Variants in COL11A1 observed in about 807,000 individuals in gnomAD.
The protein encoded by COL11A1 is collagen alpha-1(XI) chain.
A neutral mutation model predicts 265.2 loss-of-function variants in COL11A1; 74 were observed. The ratio of observed to expected loss-of-function variants is 0.28; its 90% CI spans 0.23 to 0.34. COL11A1 has a LOEUF of 0.34. Among genes scored for constraint, COL11A1 ranks in the 10% least tolerant of loss-of-function variants. The pLI is 1.00. For missense variants in COL11A1, 2,165 were observed against 2,263.6 expected (o/e 0.96, Z 0.88); for synonymous variants, 816 against 727.6 (o/e 1.12, Z -1.96).
At chr1:103,022,703 A>G (rs767576154) in intron 8 of COL11A1, 39 bp downstream of exon 8, 1 of 1,612,092 alleles carries the variant, frequency 6.2e-7, no homozygotes, top group South Asian at 1.1e-5. Flanking sequence ...TATCCCATAA[A>G]TAAGACATAC....
At chr1:103,078,629 C>G in intron 3 of COL11A1, 29 bp downstream of exon 3, 1 of 1,593,988 alleles carries the variant, frequency 6.3e-7, no homozygotes, top group Non-Finnish European at 8.6e-7. Context: ...TTTGGCATAG[C>G]TAAAACATTG....
intron 38 of COL11A1, among the ~76,000 whole-genome samples, chr1:102,963,862 G>A (rs1339573107): frequency 2.6e-5 from 4 of 151,916 alleles, no homozygotes; most frequent in Non-Finnish European, 4.4e-5. Context: ...AGCGATCACC[G>A]AGACAAAAAT....
chr1:102,883,764 T>C (rs1302177554), intron 63 of COL11A1, among the ~76,000 whole-genome samples: 2 of 152,040 alleles, frequency 1.3e-5, no homozygotes, highest in Admixed American at 6.6e-5. Context: ...GGAGGTGATA[T>C]CGTATCTACT....
At position 102,950,772 on chromosome 1, in the gene COL11A1, C is replaced by T. The variant is rs555098007; in HGVS notation, c.3169-3816G>A. ...CATCTGATATGCTTAGGCTTTGTGT[C>T]CCCACCCAAATCTCATCTTGCTTTA... On this transcript the variant is annotated intron_variant, in intron 41 of 66. Transcript: ENST00000370096. 3.3e-5 allele frequency among the ~76,000 whole-genome samples: 5 copies of T among 152,128 alleles called. No individual in the cohort carries two copies. In the South Asian group the frequency reaches 6.2e-4, roughly 19 times the overall value.
intron 30 of COL11A1, 114 bp downstream of exon 30, chr1:102,987,519 T>G (rs1663695310): frequency 3.7e-6 from 3 of 814,316 alleles, no homozygotes; most frequent in South Asian, 1.4e-5. Flanking sequence ...AATGAAACAT[T>G]TTATCTTTAA....
chr1:102,880,869 T>TAG (rs1443164955), intron 65 of COL11A1, among the ~76,000 whole-genome samples: 1 of 151,980 alleles, frequency 6.6e-6, no homozygotes, highest in Non-Finnish European at 1.5e-5. Flanking sequence ...TCCACACACA[T>TAG]AGAGTTCTAT....
chr1:102,886,729 T>C (rs1311928289), intron 63 of COL11A1, 78 bp downstream of exon 63: 2 of 1,570,198 alleles, frequency 1.3e-6, no homozygotes, highest in Admixed American at 1.7e-5. Context: ...AACATTTAAC[T>C]AGAATGAATG....
chr1:103,024,573 A>G lies in COL11A1; in HGVS notation c.990+948T>C, dbSNP rs191056544. ...TGTCTACAGAGACTGCATAATATCTATGGTGAGAATATTGCTATAATCATA... is the reference window on the plus strand; with the variant it reads ...TGTCTACAGAGACTGCATAATATCTGTGGTGAGAATATTGCTATAATCATA... On this transcript the variant is annotated intron_variant, in intron 7 of 66. Transcript: ENST00000370096. Among the ~76,000 whole-genome samples the G allele has an allele frequency of 2.3e-4, 35 of 152,306 alleles. No individual in the cohort carries two copies. In the East Asian group the frequency reaches 5.4e-3, roughly 24 times the overall value.
chr1:102,933,198 C>G (rs1657704374), intron 46 of COL11A1, among the ~76,000 whole-genome samples: 2 of 143,694 alleles, frequency 1.4e-5, no homozygotes, highest in African/African-American at 2.6e-5. Flanking sequence ...TTTTTCTGTT[C>G]TGTTTTTTCC....
chr1:103,024,030 T>A (rs1404493602), intron 7 of COL11A1, among the ~76,000 whole-genome samples: 4 of 152,200 alleles, frequency 2.6e-5, no homozygotes, highest in Admixed American at 2.6e-4. Context: ...TTTTTTCTCA[T>A]AATTCCTTAC....
intron 46 of COL11A1, among the ~76,000 whole-genome samples, chr1:102,925,701 ATCAG>A (rs1028488373): frequency 2.6e-5 from 4 of 152,098 alleles, no homozygotes; most frequent in African/African-American, 9.7e-5. Context: ...TAGGTTCTAA[ATCAG>A]TCAATTTCAG....
chr1:102,896,620 T>C (rs1405545425), intron 57 of COL11A1, among the ~76,000 whole-genome samples: 1 of 152,196 alleles, frequency 6.6e-6, no homozygotes, highest in African/African-American at 2.4e-5. Context: ...CATTCCGCTT[T>C]ACCTAAAGGA....
intron 11 of COL11A1, 24 bp downstream of exon 11, chr1:103,017,796 G>T (rs201603912): frequency 1.3e-6 from 2 of 1,584,132 alleles, no homozygotes; most frequent in Non-Finnish European, 1.7e-6. Flanking sequence ...CATTTGTAAT[G>T]AGATATCATG....
chr1:102,918,631 T>C (rs1460394747), intron 49 of COL11A1, among the ~76,000 whole-genome samples: 4 of 151,674 alleles, frequency 2.6e-5, no homozygotes, highest in African/African-American at 9.7e-5. Context: ...GAATTCTGCT[T>C]CTATCGTGCT....
chr1:102,900,183 T>A (rs1253895783), intron 54 of COL11A1, among the ~76,000 whole-genome samples: 1 of 152,164 alleles, frequency 6.6e-6, no homozygotes, highest in Non-Finnish European at 1.5e-5. Flanking sequence ...TATCTATTAT[T>A]AGACATTCAT....
chr1:103,025,461 CA>C, intron 7 of COL11A1, 59 bp downstream of exon 7: 3 of 1,165,376 alleles, frequency 2.6e-6, no homozygotes, highest in Non-Finnish European at 3.9e-6. Context: ...TGAAGTATAT[CA>C]AAATAAATTA....
intron 37 of COL11A1, among the ~76,000 whole-genome samples, chr1:102,967,296 AG>A (rs1661520859): frequency 8.9e-6 from 1 of 112,648 alleles, no homozygotes; most frequent in African/African-American, 3.4e-5. Context: ...GCTGGAGTGC[AG>A]TGGCGCGATC....
chr1:102,888,549 A>G (rs1651310693), intron 62 of COL11A1, 28 bp downstream of exon 62: 1 of 1,600,884 alleles, frequency 6.2e-7, no homozygotes, highest in African/African-American at 1.3e-5. Flanking sequence ...AAACTGTCAG[A>G]ACATCACTCT....
intron 1 of COL11A1, among the ~76,000 whole-genome samples, chr1:103,098,467 T>C (rs557450041): frequency 2.0e-5 from 3 of 151,872 alleles, no homozygotes; most frequent in South Asian, 2.1e-4. Context: ...ATACAAAATC[T>C]ATTTCATCAA....
Sources: allele counts gnomAD v4.1 joint callset (sites outside exome capture counted in the v4.1 genomes callset), GRCh38; gene constraint gnomAD v4.1.1; transcripts MANE v1.5; gene names NCBI Gene and HGNC (gene_info 2026-07-23, HGNC 2026-07-21).